Variants in HPS1 observed in about 807,000 individuals in gnomAD.
HPS1 encodes HPS1 biogenesis of lysosomal organelles complex 3 subunit 1.
In HPS1, 59 loss-of-function variants were observed where a neutral mutation model predicts 90.6. The ratio of observed to expected loss-of-function variants is 0.65; its 90% confidence interval spans 0.53 to 0.81. The LOEUF is 0.81. Among genes scored for constraint, HPS1 ranks in the 30% least tolerant of loss-of-function variants. The pLI is 0.00. For synonymous variants in HPS1, 388 were observed against 384.4 expected, an observed-to-expected ratio of 1.01 and a Z score of -0.11; for missense variants, 849 against 896.7, an observed-to-expected ratio of 0.95 and a Z score of 0.68.
intron 6 of HPS1, among the ~76,000 whole-genome samples, chr10:98,432,703 T>C (rs1486711841): frequency 6.6e-6 from 1 of 152,268 alleles, no homozygotes; most frequent in African/African-American, 2.4e-5. Context: ...AAATATTTCA[T>C]AGTTATTTTA....
intron 10 of HPS1, among the ~76,000 whole-genome samples, chr10:98,427,504 A>G (rs1845773686): frequency 6.6e-6 from 1 of 152,222 alleles, no homozygotes; most frequent in South Asian, 2.1e-4. Flanking sequence ...CTGCCCCCAG[A>G]GCCAGCTGCT....
intron 3 of HPS1, among the ~76,000 whole-genome samples, chr10:98,440,827 G>T (rs1938288132): frequency 1.3e-5 from 2 of 152,018 alleles, no homozygotes; most frequent in South Asian, 4.1e-4. Context: ...TCAATAAAGA[G>T]GAAGAGAAAG....
chr10:98,431,895 C>G (rs1271369690), intron 6 of HPS1, among the ~76,000 whole-genome samples: 1 of 152,090 alleles, frequency 6.6e-6, no homozygotes, highest in Non-Finnish European at 1.5e-5. Flanking sequence ...ATATTATCAC[C>G]ATATGATATA....
intron 16 of HPS1, among the ~76,000 whole-genome samples, chr10:98,423,283 C>A (rs1845140128): frequency 6.8e-6 from 1 of 147,068 alleles, no homozygotes; most frequent in East Asian, 2.1e-4. Flanking sequence ...ACAGGAACCC[C>A]CCCCCCGGTC....
intron 11 of HPS1, 34 bp from the exon 12 acceptor site, chr10:98,426,019 G>T (rs1489348196): frequency 6.2e-7 from 1 of 1,606,690 alleles, no homozygotes; most frequent in Admixed American, 1.7e-5. Flanking sequence ...TGAGAGGTGG[G>T]ATCCCTAAGT....
intron 16 of HPS1, 26 bp from the exon 17 acceptor site, chr10:98,422,539 C>T (rs1409425626): frequency 6.2e-7 from 1 of 1,613,008 alleles, no homozygotes; most frequent in South Asian, 1.1e-5. Flanking sequence ...AAGGTGCTTA[C>T]AAGCCAGGAG....
intron 8 of HPS1, among the ~76,000 whole-genome samples, chr10:98,430,184 C>A (rs917898416): frequency 6.6e-6 from 1 of 152,214 alleles, no homozygotes; most frequent in Non-Finnish European, 1.5e-5. Context: ...ATGCCCCAGG[C>A]AGTGCCAGGT....
chr10:98,436,423 C>T (rs1202101844), intron 3 of HPS1, among the ~76,000 whole-genome samples: 2 of 152,128 alleles, frequency 1.3e-5, no homozygotes, highest in African/African-American at 4.8e-5. Context: ...TGATAAAATA[C>T]TGAGAAAGCC....
At chr10:98,443,292 G>A (rs1397941423) in intron 2 of HPS1, 52 bp from the exon 3 acceptor site, 3 of 1,365,182 alleles carry the variant, frequency 2.2e-6, no homozygotes, top group Non-Finnish European at 3.1e-6. Context: ...ACATCTATGA[G>A]CTCAGTCTGA....
intron 2 of HPS1, 73 bp from the exon 3 acceptor site, chr10:98,443,313 G>C (rs951984138): frequency 1.5e-5 from 16 of 1,097,310 alleles, no homozygotes; most frequent in South Asian, 1.1e-4. Flanking sequence ...GTAACGAAGA[G>C]GACCCCAACC....
At chr10:98,434,548 T>G (rs747300473) in intron 5 of HPS1, among the ~76,000 whole-genome samples, 2 of 151,470 alleles carry the variant, frequency 1.3e-5, no homozygotes, top group Non-Finnish European at 2.9e-5. Flanking sequence ...CCATGACCTA[T>G]CTGGGCTAAA....
chr10:98,433,951 A>C (rs1204487653), intron 6 of HPS1, 32 bp downstream of exon 6: 9 of 1,550,706 alleles, frequency 5.8e-6, no homozygotes, highest in Non-Finnish European at 7.8e-6. Flanking sequence ...TGACAGCTTC[A>C]AGTCCTGAGG....
intron 2 of HPS1, among the ~76,000 whole-genome samples, chr10:98,444,665 T>G (rs991248403): frequency 6.6e-6 from 1 of 152,260 alleles, no homozygotes; most frequent in Non-Finnish European, 1.5e-5. Flanking sequence ...TCCAGCTTAG[T>G]GGTCCTTACT....
At position 98,429,874 on chromosome 10, in the gene HPS1, C is replaced by T; in HGVS notation, c.784G>A (p.Ala262Thr). ...ACGGGGATGTTCTGGCTGCTCCGGG[C>T]CCTCCGCGGGGAAGGCTGTGCAGGG... ...EDDIQPSPRRARSSQNIPVQQ... is the reference protein window; with the variant it reads ...EDDIQPSPRRTRSSQNIPVQQ... The change falls in exon 9 of 20, where the codon GCC becomes ACC. Residue 262 changes from alanine to threonine, a missense_variant. Physicochemically the swap from Ala to Thr is moderately conservative, Grantham distance 58. Coordinates refer to ENST00000361490, the MANE Select transcript of HPS1 (RefSeq NM_000195.5). The T allele has an allele frequency of 6.2e-7, 1 of 1,612,022 alleles. No homozygotes were observed. The highest frequency in any genetic ancestry group is 8.5e-7 in the Non-Finnish European group (1 of 1,179,950).
rs1402536709 is a variant in HPS1 at position 98,425,602 on chromosome 10, A to G, written c.1274T>C (p.Val425Ala). Residue 425 changes from valine to alanine, a missense_variant, in exon 13 of 20, where the codon GTG becomes GCG. Val to Ala is a moderately conservative substitution (Grantham distance 64). Coordinates refer to ENST00000361490, the MANE Select transcript of HPS1 (RefSeq NM_000195.5). ...PGASLRSQPL[V>A]GDLRQRMDKF... ...GTCCATCCTCTGGCGCAGGTCTCCC[A>G]CGAGGGGCTGGGAGCGCAGGGAGGC... 1 of 1,613,830 alleles carries G rather than the reference A, an allele frequency of 6.2e-7. No homozygotes were observed. The highest frequency in any genetic ancestry group is 1.1e-5 in the South Asian group (1 of 91,008).
intron 3 of HPS1, among the ~76,000 whole-genome samples, chr10:98,440,263 C>G (rs1235284550): frequency 6.6e-6 from 1 of 152,122 alleles, no homozygotes; most frequent in African/African-American, 2.4e-5. Flanking sequence ...GCTTTTGACT[C>G]AACATTTTTA....
chr10:98,430,515 G>C (rs1394819921), intron 8 of HPS1, 56 bp downstream of exon 8: 1 of 1,407,960 alleles, frequency 7.1e-7, no homozygotes, highest in East Asian at 2.5e-5. Context: ...CTTCAGGCAG[G>C]TTTTCTGAAC....
chr10:98,430,845 G>T (rs1229264289), intron 7 of HPS1, among the ~76,000 whole-genome samples, 175 bp from the exon 8 acceptor site: 1 of 152,200 alleles, frequency 6.6e-6, no homozygotes, highest in Non-Finnish European at 1.5e-5. Flanking sequence ...AAACTTGGTT[G>T]TATAGAACAA....
At chr10:98,419,591 C>T (rs1564827013) in intron 18 of HPS1, among the ~76,000 whole-genome samples, 1 of 152,178 alleles carries the variant, frequency 6.6e-6, no homozygotes, top group African/African-American at 2.4e-5. Context: ...AGGCCAGGGC[C>T]CCGAGCCACA....
Sources: gnomAD v4.1 joint callset for allele counts (sites outside exome capture counted in the v4.1 genomes callset) on GRCh38, gnomAD v4.1.1 for gene constraint, MANE v1.5 for transcripts, NCBI Gene and HGNC (gene_info 2026-07-23, HGNC 2026-07-21) for gene names.